The following MAST3 variants were observed in gnomAD, a reference collection of about 807,000 sequenced individuals.
MAST3 encodes the protein microtubule-associated serine/threonine-protein kinase 3.
Under a neutral mutation model 127.0 loss-of-function variants are expected in MAST3, and 43 were observed. The ratio of observed to expected loss-of-function variants is 0.34; its 90% CI spans 0.27 to 0.44. The LOEUF (loss-of-function observed/expected upper bound fraction) is 0.44, where lower values mean the gene tolerates loss of function less well. MAST3 is among the 20% of genes least tolerant of loss of function. The probability of loss-of-function intolerance (pLI) is 1.00; values close to 1 mark genes in which losing one functional copy is unlikely to be tolerated. For missense variants in MAST3, 1,390 were observed against 1,919.1 expected, an observed-to-expected ratio of 0.72 and a Z score of 5.15; for synonymous variants, 785 against 809.2, an observed-to-expected ratio of 0.97 and a Z score of 0.51.
In MAST3 at chr19:18,110,060, C is replaced by T; in HGVS notation, c.72-592C>T. On this transcript the variant is annotated intron_variant, in intron 2 of 27. Coordinates refer to ENST00000687212, the MANE Select transcript of MAST3 (RefSeq NM_001393504.1). The surrounding 1 kb of genome is among the most constrained non-coding windows in gnomAD (Gnocchi z 4.3). Reference sequence around the variant, plus strand: ...CCTGCGGCAGACAGGGCGGCACCCGCGGCTCCCCTTTCCCGCTGCGCGACC... The same window carrying T: ...CCTGCGGCAGACAGGGCGGCACCCGTGGCTCCCCTTTCCCGCTGCGCGACC... 1 of 985,318 alleles carries T rather than the reference C, an allele frequency of 1.0e-6. No individual in the cohort carries two copies. The highest frequency in any genetic ancestry group is 1.2e-6 in the Non-Finnish European group (1 of 829,884). 61.0% of individuals were successfully genotyped at this position (985,318 alleles called of 1,614,324 possible).
rs1366262818 is a variant in MAST3, at chr19:18,151,383, A to T, written c.*1657A>T. 2.0e-5 allele frequency: 3 copies of T among 152,238 alleles called. No individual in the cohort carries two copies. The highest frequency in any genetic ancestry group is 4.4e-5 in the Non-Finnish European group (3 of 68,042). The allele number at this position is 152,238 out of a possible 1,614,324, so 9.4% of individuals were successfully genotyped here. A position where few individuals can be genotyped will look rare whatever the true frequency, so the allele number is the denominator to read the frequency against. On this transcript the variant is annotated 3_prime_UTR_variant, in exon 28 of 28. Coordinates refer to ENST00000687212, the MANE Select transcript of MAST3 (RefSeq NM_001393504.1). ...GAGACCTGTCCCACGATCACCCAGCAGGAGTCGTGGCAGAACGGAGCATCA... is the reference window on the plus strand; with the variant it reads ...GAGACCTGTCCCACGATCACCCAGCTGGAGTCGTGGCAGAACGGAGCATCA...
At position 18,110,803 on chromosome 19, in the gene MAST3, AC is replaced by A; in HGVS notation, c.161+65del. On this transcript the variant is annotated intron_variant, in intron 3 of 27. Transcript: ENST00000687212. This position sits in a 1 kb window ranked among gnomAD's most constrained non-coding sequence, Gnocchi z 4.3. ...GCCCTGGCACCCCAGAGCCTTGGAA[AC>A]CCTCCAGACTCATCGGTCTCCTCAA... The A allele has an allele frequency of 1.2e-6, 1 of 824,720 alleles. No homozygotes were observed. The highest frequency in any genetic ancestry group is 1.5e-6 in the Non-Finnish European group (1 of 684,148). The allele number at this position is 824,720 out of a possible 1,614,324, so 51.1% of individuals were successfully genotyped here. A position where few individuals can be genotyped will look rare whatever the true frequency, so the allele number is the denominator to read the frequency against.
intron 19 of MAST3, 26 bp downstream of exon 19, chr19:18,137,387 G>A: frequency 6.2e-7 from 1 of 1,606,350 alleles, no homozygotes; most frequent in Non-Finnish European, 8.5e-7. Context: ...CCTGGAGGGG[G>A]GGCGGGGGGT....
chr19:18,149,414 C>T lies in MAST3; in HGVS notation c.3732C>T (p.Pro1244=), dbSNP rs1021681971. The part of the protein sequence containing the change: ...APPPRSPSPL[P]GHPPAPARSP... ...CACCCCGCTCGCCCTCGCCCCTGCC[C>T]GGGCACCCGCCCGCACCTGCCCGAT... The change falls in exon 28 of 28, where the codon CCC becomes CCT. Residue 1244 remains proline, a synonymous_variant. Coordinates refer to ENST00000687212, the MANE Select transcript of MAST3 (RefSeq NM_001393504.1). This position sits in a 1 kb window ranked among gnomAD's most constrained non-coding sequence, Gnocchi z 5.9. The T allele has an allele frequency of 5.1e-5, 75 of 1,466,268 alleles. No individual in the cohort carries two copies. Among genetic ancestry groups the T allele is most frequent in the Non-Finnish European group, 6.1e-5 (68 of 1,117,114 alleles). The allele number at this position is 1,466,268 out of a possible 1,614,324, so 90.8% of individuals were successfully genotyped here. A position where few individuals can be genotyped will look rare whatever the true frequency, so the allele number is the denominator to read the frequency against.
At position 18,147,038 on chromosome 19, in the gene MAST3, G is replaced by T. The variant is rs773647856; in HGVS notation, c.3320G>T (p.Arg1107Met). The part of the protein sequence containing the change: ...TQDRCAAVTT[R>M]ERRKSLFKKI... Reference sequence around the variant, plus strand: ...GATCGGTGCGCGGCAGTGACCACCAGGGAGCGGTACACAGGGGGCGGGGCC... The same window carrying T: ...GATCGGTGCGCGGCAGTGACCACCATGGAGCGGTACACAGGGGGCGGGGCC... Residue 1107 changes from arginine (R) to methionine (M), a missense_variant, in exon 26 of 28, where the codon AGG (arginine) becomes ATG (methionine). Around this residue, in one of 5 missense-constraint regions of MAST3, gnomAD observed 816 missense variants for 934.1 expected, o/e 0.87. Transcript: ENST00000687212. 1 of 1,566,494 alleles carries T rather than the reference G, an allele frequency of 6.4e-7. No homozygotes were observed. Among genetic ancestry groups the T allele is most frequent in the East Asian group, 2.3e-5 (1 of 42,886 alleles).
intron 1 of MAST3, among the ~76,000 whole-genome samples, chr19:18,100,128 C>CTCTTTTTTTT (rs776661078): frequency 4.9e-5 from 6 of 121,716 alleles, no homozygotes; most frequent in African/African-American, 1.1e-4. Context: ...CTCTCTCTCT[C>CTCTTTTTTTT]TTTTTTTTTT....
At chr19:18,100,128 C>CTTTTTTTTTT (rs58879254) in intron 1 of MAST3, among the ~76,000 whole-genome samples, 6 of 121,720 alleles carry the variant, frequency 4.9e-5, no homozygotes, top group African/African-American at 8.4e-5. Context: ...CTCTCTCTCT[C>CTTTTTTTTTT]TTTTTTTTTT....
chr19:18,144,276 G>A lies in MAST3; in HGVS notation c.2585-190G>A, dbSNP rs2042808931. On this transcript the variant is annotated intron_variant, in intron 22 of 27. Transcript: ENST00000687212. This position sits in a 1 kb window ranked among gnomAD's most constrained non-coding sequence, Gnocchi z 4.0. The stretch of plus-strand genomic sequence containing the variant: ...AAATGGGTGTGGAGGAAGGCTTCCT[G>A]GAGGAGGGGACTTGAAGACTTTTGC... 6.6e-6 allele frequency among the ~76,000 whole-genome samples: 1 copy of A among 152,188 alleles called. No homozygotes were observed. The highest frequency in any genetic ancestry group is 6.5e-5 in the Admixed American group (1 of 15,268).
chr19:18,134,741 G>A, intron 16 of MAST3, 30 bp downstream of exon 16: 1 of 1,613,120 alleles, frequency 6.2e-7, no homozygotes, highest in Non-Finnish European at 8.5e-7. Context: ...GGCAGCCCCG[G>A]GATGCCTCCT....
In MAST3 at chr19:18,110,563, G is replaced by C; in HGVS notation, c.72-89G>C. 1.2e-6 allele frequency: 1 copy of C among 863,366 alleles called. No individual in the cohort carries two copies. 53.5% of individuals were successfully genotyped at this position (863,366 alleles called of 1,614,324 possible). A position where few individuals can be genotyped will look rare whatever the true frequency, so the allele number is the denominator to read the frequency against. Reference sequence around the variant, plus strand: ...CCGGTCTTGGGCCCCTACTCCCTGAGGGAACCGCAGCCGCCATCCGGAGAT... The same window carrying C: ...CCGGTCTTGGGCCCCTACTCCCTGACGGAACCGCAGCCGCCATCCGGAGAT... On this transcript the variant is annotated intron_variant, in intron 2 of 27. Coordinates refer to ENST00000687212, the MANE Select transcript of MAST3 (RefSeq NM_001393504.1). The surrounding 1 kb of genome is among the most constrained non-coding windows in gnomAD (Gnocchi z 4.3).
intron 1 of MAST3, among the ~76,000 whole-genome samples, chr19:18,105,133 A>C (rs2037966410): frequency 6.6e-6 from 1 of 152,138 alleles, no homozygotes; most frequent in Non-Finnish European, 1.5e-5. Context: ...TTGGGAGGCT[A>C]AGGTGGATGG....
At chr19:18,122,649 A>G (rs1168687338) in intron 5 of MAST3, 24 bp from the exon 6 acceptor site, 6 of 1,605,356 alleles carry the variant, frequency 3.7e-6, no homozygotes, top group Admixed American at 1.7e-5. Context: ...CCTTCCTTCC[A>G]TCTGTTCTTG....
intron 4 of MAST3, 25 bp from the exon 5 acceptor site, chr19:18,121,828 A>T: frequency 6.2e-7 from 1 of 1,613,880 alleles, no homozygotes; most frequent in Non-Finnish European, 8.5e-7. Context: ...CCGCTGACTC[A>T]GTTTCCCCGC....
rs760475536 is a variant in MAST3 at position 18,124,080 on chromosome 19, G to A, written c.775G>A (p.Gly259Ser). Residue 259 changes from glycine (G) to serine (S), a missense_variant, in exon 9 of 28, where the codon GGC (glycine) becomes AGC (serine). By Grantham distance (56) the Gly-to-Ser change is moderately conservative. This residue lies in a region of MAST3 where 277 missense variants were observed against 384.8 expected (regional missense o/e 0.72). Coordinates refer to ENST00000687212, the MANE Select transcript of MAST3 (RefSeq NM_001393504.1). ...GGCCCGAGACTGCTTGGCCAAGTCT[G>A]GCGAGAACCTCGTCACCTCCCGCTA... ...ELARDCLAKS[G>S]ENLVTSRYFL... 8 of 1,610,580 alleles carry A rather than the reference G, an allele frequency of 5.0e-6. No individual in the cohort carries two copies. In the African/African-American group the frequency reaches 6.7e-5, roughly 13 times the overall value.
chr19:18,131,350 G>A (rs2041257959), intron 14 of MAST3, among the ~76,000 whole-genome samples: 1 of 142,710 alleles, frequency 7.0e-6, no homozygotes, highest in African/African-American at 2.5e-5. Context: ...CTGCACTCTA[G>A]CCTGGGCAAC....
In MAST3 at chr19:18,145,221, G is replaced by A. The variant is rs2042904276; in HGVS notation, c.3031G>A (p.Val1011Ile). The A allele has an allele frequency of 6.2e-6, 10 of 1,613,308 alleles. No homozygotes were observed. Among genetic ancestry groups the A allele is most frequent in the Non-Finnish European group, 7.6e-6 (9 of 1,179,366 alleles). The change falls in exon 24 of 28, where the codon GTC (valine) becomes ATC (isoleucine). Residue 1011 changes from valine (V) to isoleucine (I), a missense_variant. This residue lies in a region of MAST3 where 816 missense variants were observed against 934.1 expected (regional missense o/e 0.87). Transcript: ENST00000687212. This position sits in a 1 kb window ranked among gnomAD's most constrained non-coding sequence, Gnocchi z 5.9. ...GDSDVYTVHH[V>I]VWSVEDGSPA... ...TAGCGACGTCTACACTGTGCACCAC[G>A]TCGTCTGGGTGAGTGCCGAGTGGGA...
Position 18,110,893 on chromosome 19 carries a change from G to T in MAST3, c.161+152G>T, listed in dbSNP as rs1390918226. Among the ~76,000 whole-genome samples the T allele has an allele frequency of 6.6e-6, 1 of 152,204 alleles. No individual in the cohort carries two copies. Among genetic ancestry groups the T allele is most frequent in the Non-Finnish European group, 1.5e-5 (1 of 68,046 alleles). On this transcript the variant is annotated intron_variant, in intron 3 of 27. Transcript: ENST00000687212. The surrounding 1 kb of genome is among the most constrained non-coding windows in gnomAD (Gnocchi z 4.3). Reference sequence around the variant, plus strand: ...GTTTACCCCTCCACATAATGGCACTGCGATACGTTCTAGGGGCTTAATGGG... The same window carrying T: ...GTTTACCCCTCCACATAATGGCACTTCGATACGTTCTAGGGGCTTAATGGG...
chr19:18,104,936 T>C (rs1486245176), intron 1 of MAST3, among the ~76,000 whole-genome samples: 1 of 152,098 alleles, frequency 6.6e-6, no homozygotes, highest in Non-Finnish European at 1.5e-5. Flanking sequence ...TCATCTCCAG[T>C]TACAGATGGG....
In MAST3 at chr19:18,129,132, C is replaced by T. The variant is rs1680043925; in HGVS notation, c.1223+181C>T. 4 of 624,098 alleles carry T rather than the reference C, an allele frequency of 6.4e-6. No homozygotes were observed. In the Admixed American group the frequency reaches 1.0e-4, roughly 16 times the overall value. 38.7% of individuals were successfully genotyped at this position (624,098 alleles called of 1,614,324 possible). A position where few individuals can be genotyped will look rare whatever the true frequency, so the allele number is the denominator to read the frequency against. On this transcript the variant is annotated intron_variant, in intron 13 of 27. Transcript: ENST00000687212. The stretch of plus-strand genomic sequence containing the variant: ...GAGACACGCCATAGCGAGGTTACAG[C>T]CTCATGTGTGCTCTGTCCACGAGCC...
Sources: gnomAD v4.1 joint callset for allele counts (sites outside exome capture counted in the v4.1 genomes callset) on GRCh38, gnomAD v4.1.1 for gene constraint, gnomAD v4.1.1 regional missense constraint, Gnocchi (gnomAD v3.1) non-coding constraint, MANE v1.5 for transcripts, NCBI Gene and HGNC (gene_info 2026-07-23, HGNC 2026-07-21) for gene names.